Variants in KLK12 observed in about 807,000 individuals in gnomAD.
The protein encoded by KLK12 is kallikrein-12.
Under a neutral mutation model 20.0 loss-of-function variants are expected in KLK12, and 23 were observed. The ratio of observed to expected loss-of-function variants is 1.15; its 90% CI spans 0.83 to 1.63. The LOEUF (loss-of-function observed/expected upper bound fraction) is 1.63. Ranked by LOEUF, KLK12 falls within the 40% of genes most tolerant of loss-of-function variation. The probability of loss-of-function intolerance (pLI) is 0.00; values close to 1 mark genes in which losing one functional copy is unlikely to be tolerated. For missense variants in KLK12, 351 were observed against 338.6 expected, an observed-to-expected ratio of 1.04 and a Z score of -0.29; for synonymous variants, 147 against 141.9, an observed-to-expected ratio of 1.04 and a Z score of -0.25.
chr19:51,033,436 C>G (rs59711332), intron 3 of KLK12, among the ~76,000 whole-genome samples: 1 of 151,740 alleles, frequency 6.6e-6, no homozygotes, highest in East Asian at 1.9e-4. Context: ...GCCAACATGG[C>G]AAAACCCTGT....
Position 51,034,576 on chromosome 19 carries a change from A to C in KLK12, c.37+9T>G. 6.2e-7 allele frequency: 1 copy of C among 1,610,340 alleles called. No individual in the cohort carries two copies. Among genetic ancestry groups the C allele is most frequent in the Non-Finnish European group, 8.5e-7 (1 of 1,178,330 alleles). On this transcript the variant is annotated intron_variant, in intron 2 of 5. Coordinates refer to ENST00000684732, the MANE Select transcript of KLK12 (RefSeq NM_001370125.1). ...AGTCCTGCCCTCTCCCTGCTCCGGG[A>C]GAACTCACCAAGAACACACAGGAGC... is the stretch of plus-strand genomic sequence containing the variant.
rs1029343424 is a variant in KLK12, at chr19:51,035,000, G to A, written c.-214C>T. The A allele has an allele frequency of 2.3e-5, 26 of 1,124,478 alleles. No individual in the cohort carries two copies. Among genetic ancestry groups the A allele is most frequent in the Non-Finnish European group, 2.7e-5 (25 of 911,534 alleles). 69.7% of individuals were successfully genotyped at this position (1,124,478 alleles called of 1,614,324 possible). A position where few individuals can be genotyped will look rare whatever the true frequency, so the allele number is the denominator to read the frequency against. On this transcript the variant is annotated 5_prime_UTR_variant, in exon 1 of 6. Coordinates refer to ENST00000684732, the MANE Select transcript of KLK12 (RefSeq NM_001370125.1). ...ACCGGTCCCTTTCCTTCCATCTGTC[G>A]CTCCAGACAGACCACTGACAAAGCT...
Position 51,030,769 on chromosome 19 carries a change from G to T in KLK12, c.591+19C>A, listed in dbSNP as rs772403570. 3.1e-6 allele frequency: 5 copies of T among 1,612,464 alleles called. No individual in the cohort carries two copies. In the South Asian group the frequency reaches 4.4e-5, roughly 14 times the overall value. On this transcript the variant is annotated intron_variant, in intron 5 of 5. Coordinates refer to ENST00000684732, the MANE Select transcript of KLK12 (RefSeq NM_001370125.1). ...ACTTCCTGTCCTGGTGACCACGCAC[G>T]CTGCCTGCACTGGCTCACCTGGCAG...
rs868715110 is a variant in KLK12 at position 51,032,197 on chromosome 19, C to T, written c.198-62G>A. The T allele has an allele frequency of 9.7e-5, 142 of 1,468,476 alleles. 2 individuals are homozygous for T. In the South Asian group the frequency reaches 1.3e-3, roughly 13 times the overall value. 91.0% of individuals were successfully genotyped at this position (1,468,476 alleles called of 1,614,324 possible). ...CAGTCCCCCACCTTGCACCCCTCCA[C>T]GGACACTCAGGCGCTCCTGCCGCTC... On this transcript the variant is annotated intron_variant, in intron 3 of 5. Transcript: ENST00000684732.
In KLK12 at chr19:51,032,000, C is replaced by G; in HGVS notation, c.333G>C (p.Leu111=). 6.2e-7 allele frequency: 1 copy of G among 1,612,790 alleles called. No individual in the cohort carries two copies. Among genetic ancestry groups the G allele is most frequent in the African/African-American group, 1.3e-5 (1 of 75,036 alleles). Residue 111 remains leucine (L), a synonymous_variant, in exon 4 of 6, where the codon CTG becomes CTC. Coordinates refer to ENST00000684732, the MANE Select transcript of KLK12 (RefSeq NM_001370125.1). ...CGCGGACGGGCAGGCGCAGCCGCAG[C>G]AGCCGGAGGTCGTGCTCGTGGCTCG... The part of the protein sequence containing the change: ...ASTSHEHDLR[L]LRLRLPVRVT...
At chr19:51,034,278 C>G in intron 2 of KLK12, 139 bp from the exon 3 acceptor site, 1 of 1,186,274 alleles carries the variant, frequency 8.4e-7, no homozygotes, top group Non-Finnish European at 1.2e-6. Flanking sequence ...GAGAGAGAGA[C>G]CCAGTGATAG....
In KLK12 at chr19:51,030,885, G is replaced by A; in HGVS notation, c.494C>T (p.Ser165Phe). The change falls in exon 5 of 6, where the codon TCC (serine) becomes TTC (phenylalanine). Residue 165 changes from serine (S) to phenylalanine (F), a missense_variant. Physicochemically the swap from Ser to Phe is radical, Grantham distance 155. Transcript: ENST00000684732. Reference sequence around the variant, plus strand: ...ATGGCAGGTGGCATGGGAGACGATGGAGAGGTTGAGGCACTGGAGCAGATC... The same window carrying A: ...ATGGCAGGTGGCATGGGAGACGATGAAGAGGTTGAGGCACTGGAGCAGATC... ...FPDLLQCLNL[S>F]IVSHATCHGV... 4 of 1,614,156 alleles carry A rather than the reference G, an allele frequency of 2.5e-6. No homozygotes were observed. The highest frequency in any genetic ancestry group is 3.4e-6 in the Non-Finnish European group (4 of 1,180,030).
chr19:51,031,436 G>A (rs2091556082), intron 4 of KLK12, among the ~76,000 whole-genome samples: 1 of 151,472 alleles, frequency 6.6e-6, no homozygotes, highest in South Asian at 2.1e-4. Context: ...CACCCCAAAC[G>A]CTATGACCTC....
At chr19:51,032,821 A>G (rs1229489547) in intron 3 of KLK12, among the ~76,000 whole-genome samples, 1 of 151,992 alleles carries the variant, frequency 6.6e-6, no homozygotes, top group Non-Finnish European at 1.5e-5. Context: ...TGGGTTCATG[A>G]TTGAACGAGT....
intron 3 of KLK12, 63 bp from the exon 4 acceptor site, chr19:51,032,198 G>A (rs1268923209): frequency 5.5e-6 from 8 of 1,464,898 alleles, no homozygotes; most frequent in South Asian, 2.4e-5. Context: ...ACCCCTCCAC[G>A]GACACTCAGG....
intron 3 of KLK12, among the ~76,000 whole-genome samples, chr19:51,032,760 T>C (rs2091572384): frequency 6.6e-6 from 1 of 152,098 alleles, no homozygotes; most frequent in South Asian, 2.1e-4. Context: ...ACTGCCTTAT[T>C]CCCACCGCCT....
chr19:51,029,293 G>A lies in KLK12; in HGVS notation c.*9C>T. The stretch of plus-strand genomic sequence containing the variant: ...GTTAAGGGGTGGGGGTGGAGGTGGA[G>A]GAAACAGGTCAGTTGTTCCTCATGA... On this transcript the variant is annotated 3_prime_UTR_variant, in exon 6 of 6. Transcript: ENST00000684732. 6.2e-7 allele frequency: 1 copy of A among 1,614,074 alleles called. No homozygotes were observed. Among genetic ancestry groups the A allele is most frequent in the Non-Finnish European group, 8.5e-7 (1 of 1,180,022 alleles).
chr19:51,029,127 C>T lies in KLK12; in HGVS notation c.*175G>A, dbSNP rs761162967. The T allele has an allele frequency of 1.2e-6, 2 of 1,610,338 alleles. No homozygotes were observed. Among genetic ancestry groups the T allele is most frequent in the East Asian group, 2.2e-5 (1 of 44,858 alleles). ...CATTTATATTTATTCCAGACTATTG[C>T]ACACTTCTCTCACCCCGCTCGTGGG... On this transcript the variant is annotated 3_prime_UTR_variant, in exon 6 of 6. Coordinates refer to ENST00000684732, the MANE Select transcript of KLK12 (RefSeq NM_001370125.1).
Position 51,030,910 on chromosome 19 carries a change from C to T in KLK12, c.469G>A (p.Asp157Asn). 1 of 1,614,106 alleles carries T rather than the reference C, an allele frequency of 6.2e-7. No homozygotes were observed. The highest frequency in any genetic ancestry group is 1.1e-5 in the South Asian group (1 of 91,080). ...ITNHPRNPFP[D>N]LLQCLNLSIV... is the part of the protein sequence containing the mutation. ...GAGAGGTTGAGGCACTGGAGCAGAT[C>T]CGGGAATGGGTCTGGAGAGAGAACA... Residue 157 changes from aspartate (D) to asparagine (N), a missense_variant, in exon 5 of 6, where the codon GAT (aspartate) becomes AAT (asparagine). By Grantham distance (23) the Asp-to-Asn change is conservative (BLOSUM62 1). Coordinates refer to ENST00000684732, the MANE Select transcript of KLK12 (RefSeq NM_001370125.1).
At chr19:51,032,214 C>G (rs1274397459) in intron 3 of KLK12, 79 bp from the exon 4 acceptor site, 48 of 1,460,188 alleles carry the variant, frequency 3.3e-5, no homozygotes, top group Non-Finnish European at 4.4e-5. Context: ...TCAGGCGCTC[C>G]TGCCGCTCCC....
In KLK12 at chr19:51,029,297, AC is replaced by A; in HGVS notation, c.*4del. The A allele has an allele frequency of 6.2e-7, 1 of 1,614,044 alleles. No homozygotes were observed. Among genetic ancestry groups the A allele is most frequent in the Middle Eastern group, 1.6e-4 (1 of 6,062 alleles). ...AGGGGTGGGGGTGGAGGTGGAGGAA[AC>A]AGGTCAGTTGTTCCTCATGATCATC... is the stretch of plus-strand genomic sequence containing the variant. On this transcript the variant is annotated 3_prime_UTR_variant, in exon 6 of 6. Transcript: ENST00000684732.
chr19:51,032,046 G>A lies in KLK12; in HGVS notation c.287C>T (p.Pro96Leu), dbSNP rs1381561762. Residue 96 changes from proline (P) to leucine (L), a missense_variant, in exon 4 of 6, where the codon CCC becomes CTC. Transcript: ENST00000684732. ...IRHSGFSVTH[P>L]GYLGASTSHE... ...GCTCGTCGAGGCTCCCAGGTAGCCG[G>A]GATGGGTCACAGAGAAGCCGCTGTG... The A allele has an allele frequency of 6.2e-7, 1 of 1,606,462 alleles. No homozygotes were observed. Among genetic ancestry groups the A allele is most frequent in the Non-Finnish European group, 8.5e-7 (1 of 1,178,156 alleles).
At position 51,029,126 on chromosome 19, in the gene KLK12, G is replaced by A. The variant is rs1380073640; in HGVS notation, c.*176C>T. ...TCATTTATATTTATTCCAGACTATT[G>A]CACACTTCTCTCACCCCGCTCGTGG... On this transcript the variant is annotated 3_prime_UTR_variant, in exon 6 of 6. Transcript: ENST00000684732. 1 of 1,608,298 alleles carries A rather than the reference G, an allele frequency of 6.2e-7. No individual in the cohort carries two copies. The highest frequency in any genetic ancestry group is 8.5e-7 in the Non-Finnish European group (1 of 1,174,904).
rs1471658273 is a variant in KLK12 at position 51,034,007 on chromosome 19, A to G, written c.170T>C (p.Val57Ala). The G allele has an allele frequency of 6.2e-7, 1 of 1,611,314 alleles. No homozygotes were observed. The highest frequency in any genetic ancestry group is 1.3e-5 in the African/African-American group (1 of 74,812). Residue 57 changes from valine (V) to alanine (A), a missense_variant, in exon 3 of 6, where the codon GTC becomes GCC. Val to Ala is a moderately conservative substitution (Grantham distance 64). Transcript: ENST00000684732. ...GCCGCTGCAGTGAGCCGCTGTGAGG[A>G]CCCACCTGTGGTCAATAAGGACACC... Reference protein sequence around the residue: ...CGGVLIDHRWVLTAAHCSGSR... With the variant: ...CGGVLIDHRWALTAAHCSGSR...
Sources: gnomAD v4.1 joint callset for allele counts (sites outside exome capture counted in the v4.1 genomes callset) on GRCh38, gnomAD v4.1.1 for gene constraint, MANE v1.5 for transcripts, NCBI Gene and HGNC (gene_info 2026-07-23, HGNC 2026-07-21) for gene names.